CCDC172: variants seen among roughly 807,000 people sequenced by gnomAD.
The protein encoded by CCDC172 is coiled-coil domain containing 172.
A neutral mutation model predicts 38.0 loss-of-function variants in CCDC172; 30 were observed. The ratio of observed to expected loss-of-function variants is 0.79; its 90% CI spans 0.59 to 1.07. CCDC172 has a LOEUF of 1.07. Ranked by LOEUF, CCDC172 falls within the 50% of genes least tolerant of loss-of-function variation. CCDC172 has a pLI of 0.00. For missense variants in CCDC172, 297 were observed against 290.1 expected, an observed-to-expected ratio of 1.02 and a Z score of -0.17; for synonymous variants, 78 against 88.3, an observed-to-expected ratio of 0.88 and a Z score of 0.66.
At chr10:116,366,064 C>A (rs1040318253) in intron 7 of CCDC172, among the ~76,000 whole-genome samples, 1 of 152,116 alleles carries the variant, frequency 6.6e-6, no homozygotes, top group South Asian at 2.1e-4. Context: ...GGTATTTCAC[C>A]ATCCACCCTT....
At chr10:116,374,816 C>T (rs1041398015) in intron 7 of CCDC172, among the ~76,000 whole-genome samples, 7 of 150,206 alleles carry the variant, frequency 4.7e-5, no homozygotes, top group African/African-American at 1.7e-4. Flanking sequence ...CAGATTATTA[C>T]ATTAGATAAA....
intron 3 of CCDC172, among the ~76,000 whole-genome samples, chr10:116,339,791 G>A (rs1169078513): frequency 6.6e-6 from 1 of 151,832 alleles, no homozygotes; most frequent in Non-Finnish European, 1.5e-5. Context: ...TTTTGCCTCT[G>A]GACTAGACTA....
At chr10:116,325,852 A>T (rs1481249906) in intron 3 of CCDC172, among the ~76,000 whole-genome samples, 1 of 152,198 alleles carries the variant, frequency 6.6e-6, no homozygotes, top group African/African-American at 2.4e-5. Context: ...TACCTTTTCC[A>T]TTAGCGTTTC....
chr10:116,354,172 T>A (rs1246748115), intron 5 of CCDC172, among the ~76,000 whole-genome samples: 2 of 152,188 alleles, frequency 1.3e-5, no homozygotes, highest in African/African-American at 4.8e-5. Flanking sequence ...GTTTTTGTGA[T>A]CGCAGTGTAA....
At chr10:116,332,946 C>T (rs987483446) in intron 3 of CCDC172, among the ~76,000 whole-genome samples, 1 of 152,024 alleles carries the variant, frequency 6.6e-6, no homozygotes, top group East Asian at 1.9e-4. Context: ...TTATTTAATG[C>T]TCTCTGCAAA....
chr10:116,332,035 C>G (rs1210497643), intron 3 of CCDC172, among the ~76,000 whole-genome samples: 2 of 152,136 alleles, frequency 1.3e-5, no homozygotes, highest in Non-Finnish European at 2.9e-5. Flanking sequence ...AGATATTTCT[C>G]AATTCCTGGC....
At chr10:116,361,788 A>G (rs1478262052) in intron 7 of CCDC172, among the ~76,000 whole-genome samples, 1 of 152,196 alleles carries the variant, frequency 6.6e-6, no homozygotes, top group African/African-American at 2.4e-5. Flanking sequence ...GTTGGTCCTT[A>G]GACTTGTAAG....
chr10:116,336,230 A>G (rs1023093403), intron 3 of CCDC172, among the ~76,000 whole-genome samples: 6 of 148,330 alleles, frequency 4.0e-5, no homozygotes, highest in African/African-American at 1.5e-4. Flanking sequence ...CATGTATTAT[A>G]TTTTATATTA....
In CCDC172 at chr10:116,329,706, T is replaced by C. The variant is rs1327792316; in HGVS notation, c.165+4318T>C. Among the ~76,000 whole-genome samples, 4 of 152,284 alleles carry C rather than the reference T, an allele frequency of 2.6e-5. No homozygotes were observed. In the East Asian group the frequency reaches 7.7e-4, roughly 29 times the overall value. ...CATCTTCTCTATGTTAATGCACACA[T>C]TGACAGTGCAAAAGCAGCAGTGAGT... is the stretch of plus-strand genomic sequence containing the variant. On this transcript the variant is annotated intron_variant, in intron 3 of 8. Transcript: ENST00000333254.
At chr10:116,342,271 C>A in intron 5 of CCDC172, 70 bp downstream of exon 5, 1 of 1,413,910 alleles carries the variant, frequency 7.1e-7, no homozygotes, top group South Asian at 1.5e-5. Flanking sequence ...ATGAATTTTC[C>A]AAAAATTTAA....
At chr10:116,364,700 A>T (rs1000381567) in intron 7 of CCDC172, among the ~76,000 whole-genome samples, 2 of 152,152 alleles carry the variant, frequency 1.3e-5, no homozygotes, top group Non-Finnish European at 2.9e-5. Context: ...ATACACACAA[A>T]AGCAAAACTA....
intron 5 of CCDC172, among the ~76,000 whole-genome samples, chr10:116,343,536 A>ATAT (rs1316228096): frequency 2.7e-5 from 4 of 149,384 alleles, no homozygotes; most frequent in South Asian, 2.1e-4. Flanking sequence ...TTTTTTTAAA[A>ATAT]AAATATATAT....
At chr10:116,333,028 C>T (rs1844685202) in intron 3 of CCDC172, among the ~76,000 whole-genome samples, 1 of 151,984 alleles carries the variant, frequency 6.6e-6, no homozygotes, top group Non-Finnish European at 1.5e-5. Flanking sequence ...CTGTTTTTAT[C>T]TTTCTCTGCT....
At chr10:116,340,984 T>A (rs1844786766) in intron 4 of CCDC172, 134 bp downstream of exon 4, 3 of 657,386 alleles carry the variant, frequency 4.6e-6, no homozygotes, top group Non-Finnish European at 8.1e-6. Context: ...AGGAAAGTAT[T>A]AAGTGCTATT....
chr10:116,370,611 ATAG>A (rs1845176198), intron 7 of CCDC172, among the ~76,000 whole-genome samples: 1 of 151,236 alleles, frequency 6.6e-6, no homozygotes, highest in African/African-American at 2.4e-5. Context: ...TAAAAGATAA[ATAG>A]TAGGATTTAG....
At chr10:116,333,597 A>G (rs1844692668) in intron 3 of CCDC172, among the ~76,000 whole-genome samples, 1 of 152,156 alleles carries the variant, frequency 6.6e-6, no homozygotes, top group South Asian at 2.1e-4. Flanking sequence ...TGAGTTGTCA[A>G]ATAACACAGA....
At chr10:116,343,441 C>T (rs535112236) in intron 5 of CCDC172, among the ~76,000 whole-genome samples, 1 of 151,904 alleles carries the variant, frequency 6.6e-6, no homozygotes, top group Non-Finnish European at 1.5e-5. Context: ...CTCAGTCATC[C>T]TCCCTCCTGG....
chr10:116,355,347 T>C (rs112354802), intron 5 of CCDC172, among the ~76,000 whole-genome samples: 3,142 of 152,322 alleles, frequency 0.021, 101 homozygotes, highest in African/African-American at 0.071. Context: ...ACATGCTGTA[T>C]AGGTTTGTAA....
intron 7 of CCDC172, among the ~76,000 whole-genome samples, chr10:116,368,593 C>T (rs1314648523): frequency 1.3e-5 from 2 of 151,916 alleles, no homozygotes; most frequent in Non-Finnish European, 2.9e-5. Flanking sequence ...TTTTTAAAAA[C>T]CACTTTTTTT....
Sources: allele counts gnomAD v4.1 joint callset (sites outside exome capture counted in the v4.1 genomes callset), GRCh38; gene constraint gnomAD v4.1.1; transcripts MANE v1.5; gene names NCBI Gene and HGNC (gene_info 2026-07-23, HGNC 2026-07-21).